The following NXPE2 variants were observed in gnomAD, a reference collection of about 807,000 sequenced individuals.
The protein encoded by NXPE2 is neurexophilin and PC-esterase domain family member 2.
A neutral mutation model predicts 34.4 loss-of-function variants in NXPE2; 34 were observed. That is an observed-to-expected ratio of 0.99 (90% confidence interval 0.75 to 1.31). NXPE2 has a LOEUF of 1.31. Among genes scored for constraint, NXPE2 ranks in the 40% most tolerant of loss-of-function variants. The pLI is 0.00. For missense variants in NXPE2, 649 were observed against 672.5 expected, an observed-to-expected ratio of 0.97 and a Z score of 0.39; for synonymous variants, 235 against 231.3, an observed-to-expected ratio of 1.02 and a Z score of -0.15.
chr11:114,774,384 C>A, the NXPE2 span, among the ~76,000 whole-genome samples: 10 of 152,200 alleles, frequency 6.6e-5, no homozygotes, highest in African/African-American at 2.4e-5. Flanking sequence ...TGTTTCTTTT[C>A]ATTGTGATTT....
At chr11:114,634,147 T>C in the NXPE2 span, among the ~76,000 whole-genome samples, 1 of 151,658 alleles carries the variant, frequency 6.6e-6, no homozygotes, top group Non-Finnish European at 1.5e-5. Context: ...TTTTTAATGA[T>C]TGCCATTCTA....
At chr11:114,494,292 C>A in the NXPE2 span, among the ~76,000 whole-genome samples, 1 of 152,152 alleles carries the variant, frequency 6.6e-6, no homozygotes, top group Admixed American at 6.5e-5. Flanking sequence ...AACTTTCTAC[C>A]CCTATCTCGT....
the NXPE2 span, among the ~76,000 whole-genome samples, chr11:114,795,546 G>A: frequency 1.3e-5 from 2 of 152,136 alleles, no homozygotes; most frequent in African/African-American, 4.8e-5. Context: ...CGTCTGTTTA[G>A]TCCCTGTTGC....
At chr11:114,577,801 GC>G in the NXPE2 span, among the ~76,000 whole-genome samples, 6 of 152,132 alleles carry the variant, frequency 3.9e-5, no homozygotes, top group Non-Finnish European at 8.8e-5. Flanking sequence ...TATTTCCCCA[GC>G]CACTCTTTAA....
chr11:114,528,232 A>G, the NXPE2 span, among the ~76,000 whole-genome samples: 1 of 152,172 alleles, frequency 6.6e-6, no homozygotes, highest in East Asian at 1.9e-4. Context: ...AGTTTGCAGA[A>G]TAGTTTCCTT....
At chr11:114,637,346 C>A in the NXPE2 span, among the ~76,000 whole-genome samples, 8 of 151,858 alleles carry the variant, frequency 5.3e-5, no homozygotes, top group Non-Finnish European at 7.4e-5. Flanking sequence ...TTATTTTGAG[C>A]CCATGTGTGT....
chr11:114,573,381 TG>T, the NXPE2 span, among the ~76,000 whole-genome samples: 1 of 152,118 alleles, frequency 6.6e-6, no homozygotes, highest in Non-Finnish European at 1.5e-5. Context: ...TGAATGTAAA[TG>T]ACCTGAATGC....
the NXPE2 span, among the ~76,000 whole-genome samples, chr11:114,621,025 T>G: frequency 6.6e-6 from 1 of 152,194 alleles, no homozygotes; most frequent in Admixed American, 6.5e-5. Context: ...GGTTGACCAC[T>G]GTTACGCAGT....
At chr11:114,728,095 T>C in the NXPE2 span, among the ~76,000 whole-genome samples, 4 of 152,078 alleles carry the variant, frequency 2.6e-5, no homozygotes, top group South Asian at 8.3e-4. Flanking sequence ...AAATCAGCAA[T>C]GTAACGTCCT....
the NXPE2 span, among the ~76,000 whole-genome samples, chr11:114,562,436 G>A: frequency 1.3e-5 from 2 of 152,290 alleles, no homozygotes; most frequent in Admixed American, 6.5e-5. Context: ...GGCTGTCTCT[G>A]TTAAACTCTG....
the NXPE2 span, among the ~76,000 whole-genome samples, chr11:114,480,902 G>A: frequency 1.3e-5 from 2 of 152,188 alleles, no homozygotes; most frequent in East Asian, 1.9e-4. Flanking sequence ...AGGGAAGGCA[G>A]TATTTGCTAG....
the NXPE2 span, among the ~76,000 whole-genome samples, chr11:114,633,465 A>C: frequency 2.1e-5 from 3 of 145,702 alleles, no homozygotes; most frequent in East Asian, 6.0e-4. Context: ...TCTTTTTTTT[A>C]TTTTAGTATT....
chr11:114,742,620 A>ATTTTTTTTTTTTTTTTTTTTT, the NXPE2 span, among the ~76,000 whole-genome samples: 1 of 133,702 alleles, frequency 7.5e-6, no homozygotes, highest in Non-Finnish European at 1.6e-5. Context: ...TTATTCTTGG[A>ATTTTTTTTTTTTTTTTTTTTT]TTTTTTTTTT....
chr11:114,564,920 TC>T, the NXPE2 span, among the ~76,000 whole-genome samples: 1 of 152,172 alleles, frequency 6.6e-6, no homozygotes, highest in African/African-American at 2.4e-5. Flanking sequence ...AAAGATTATC[TC>T]TCTAGTTGGA....
At chr11:114,521,858 C>G in the NXPE2 span, 1 of 855,952 alleles carries the variant, frequency 1.2e-6, no homozygotes, top group Non-Finnish European at 1.8e-6. Context: ...CAAACAGATT[C>G]TTTTAAATTT....
chr11:114,780,821 G>A, the NXPE2 span, among the ~76,000 whole-genome samples: 1 of 152,226 alleles, frequency 6.6e-6, no homozygotes, highest in African/African-American at 2.4e-5. Context: ...AGGAGCCACA[G>A]AAGAAAGGTG....
intron 3 of NXPE2, among the ~76,000 whole-genome samples, chr11:114,701,842 T>C (rs1043459444): frequency 5.9e-5 from 9 of 152,214 alleles, no homozygotes; most frequent in Admixed American, 4.6e-4. Context: ...AAAAATATAA[T>C]ATTCACAGGA....
At chr11:114,785,555 G>A in the NXPE2 span, among the ~76,000 whole-genome samples, 1 of 152,138 alleles carries the variant, frequency 6.6e-6, no homozygotes, top group African/African-American at 2.4e-5. Flanking sequence ...TATGGTGTGT[G>A]TCTTTAGCAA....
the NXPE2 span, among the ~76,000 whole-genome samples, chr11:114,499,654 A>G: frequency 1.3e-5 from 2 of 152,174 alleles, no homozygotes; most frequent in African/African-American, 4.8e-5. Flanking sequence ...TGAAATGCAC[A>G]TATGTTAATT....
Sources: allele counts gnomAD v4.1 joint callset (sites outside exome capture counted in the v4.1 genomes callset), GRCh38; gene constraint gnomAD v4.1.1; transcripts MANE v1.5; gene names NCBI Gene and HGNC (gene_info 2026-07-23, HGNC 2026-07-21).